Variants in TF observed in about 807,000 individuals in gnomAD.
TF encodes the protein transferrin.
TF carries 55 observed loss-of-function variants against 82.4 expected under a neutral mutation model. The observed-to-expected ratio is 0.67, with a 90% CI of 0.54 to 0.84. The LOEUF (loss-of-function observed/expected upper bound fraction) is 0.84. Among genes scored for constraint, TF ranks in the 40% least tolerant of loss-of-function variants. The probability of loss-of-function intolerance (pLI) is 0.00; values close to 1 mark genes in which losing one functional copy is unlikely to be tolerated. For synonymous variants in TF, 332 were observed against 332.6 expected (o/e 1.00, Z 0.02); for missense variants, 737 against 868.4 (o/e 0.85, Z 1.90).
At chr3:133,674,514 C>A in the TF span, among the ~76,000 whole-genome samples, 1 of 152,230 alleles carries the variant, frequency 6.6e-6, no homozygotes, top group African/African-American at 2.4e-5. Flanking sequence ...GGTGGGCGAA[C>A]CTTTCCCAAG....
Position 133,784,471 on chromosome 3 carries a change from A to AAAAAAAAATAATAAT in TF, c.*5853_*5854insAAAAAATAATAATAA, listed in dbSNP as rs763086171. 9.5e-6 allele frequency: 1 copy of AAAAAAAAATAATAAT among 105,602 alleles called. No homozygotes were observed. The highest frequency in any genetic ancestry group is 3.8e-5 in the African/African-American group (1 of 26,570). The allele number at this position is 105,602 out of a possible 1,614,324, so 6.5% of individuals were successfully genotyped here. ...TCTTGTAAATTCCCATTTGTTAAAA[A>AAAAAAAAATAATAAT]AATAATAATAATAATAATAATAATA... is the stretch of plus-strand genomic sequence containing the variant. On this transcript the variant is annotated 3_prime_UTR_variant, in exon 17 of 17. Coordinates refer to ENST00000402696, the MANE Select transcript of TF (RefSeq NM_001063.4).
At chr3:133,713,409 A>C in the TF span, among the ~76,000 whole-genome samples, 1 of 152,122 alleles carries the variant, frequency 6.6e-6, no homozygotes, top group Non-Finnish European at 1.5e-5. Flanking sequence ...GAGGCAACAC[A>C]AGAGAGAGAG....
chr3:133,766,995 G>A (rs1384087321), intron 12 of TF, among the ~76,000 whole-genome samples: 1 of 152,166 alleles, frequency 6.6e-6, no homozygotes, highest in Admixed American at 6.5e-5. Context: ...TCGTTCATCT[G>A]GAAATGTCCC....
chr3:133,723,635 CTTTTATTATTAT>C, the TF span, among the ~76,000 whole-genome samples: 8 of 77,438 alleles, frequency 1.0e-4, no homozygotes, highest in African/African-American at 3.1e-4. Flanking sequence ...CTGTTTGGTT[CTTTTATTATTAT>C]TATTATTATT....
At chr3:133,729,428 C>G in the TF span, among the ~76,000 whole-genome samples, 1 of 152,202 alleles carries the variant, frequency 6.6e-6, no homozygotes, top group East Asian at 1.9e-4. Context: ...TGCTAGCAAT[C>G]AGTGAGACTC....
chr3:133,740,927 T>TTA, the TF span, among the ~76,000 whole-genome samples: 1 of 110,154 alleles, frequency 9.1e-6, no homozygotes, highest in African/African-American at 3.7e-5. Flanking sequence ...TTTTTTTTTT[T>TTA]AATTTGAGTA....
the TF span, among the ~76,000 whole-genome samples, chr3:133,732,854 T>C: frequency 6.6e-6 from 1 of 152,192 alleles, no homozygotes; most frequent in Non-Finnish European, 1.5e-5. Flanking sequence ...AGATGGGGAA[T>C]TGGGGCACTG....
At position 133,766,303 on chromosome 3, in the gene TF, G is replaced by T; in HGVS notation, c.1356G>T (p.Lys452Asn). The T allele has an allele frequency of 6.2e-7, 1 of 1,614,158 alleles. No individual in the cohort carries two copies. The highest frequency in any genetic ancestry group is 8.5e-7 in the Non-Finnish European group (1 of 1,180,008). The change falls in exon 12 of 17, where the codon AAG (lysine) becomes AAT (asparagine). Residue 452 changes from lysine (K) to asparagine (N), a missense_variant. Physicochemically the swap from Lys to Asn is moderately conservative, Grantham distance 94. Coordinates refer to ENST00000402696, the MANE Select transcript of TF (RefSeq NM_001063.4). Reference sequence around the variant, plus strand: ...GGTATTTTGCTATAGCAGTGGTGAAGAAATCAGCTTCTGACCTCACCTGGG... The same window carrying T: ...GGTATTTTGCTATAGCAGTGGTGAATAAATCAGCTTCTGACCTCACCTGGG... Reference protein sequence around the residue: ...EAGYFAIAVVKKSASDLTWDN... With the variant: ...EAGYFAIAVVNKSASDLTWDN...
At chr3:133,750,832 G>A (rs1413493775) in intron 2 of TF, among the ~76,000 whole-genome samples, 2 of 152,114 alleles carry the variant, frequency 1.3e-5, no homozygotes, top group Non-Finnish European at 2.9e-5. Context: ...TGCACAACAT[G>A]CAGGTTTGTT....
chr3:133,790,168 T>C lies in TF; in HGVS notation c.*11548T>C, dbSNP rs1011178162. 7 of 152,202 alleles carry C rather than the reference T, an allele frequency of 4.6e-5. No individual in the cohort carries two copies. The highest frequency in any genetic ancestry group is 1.3e-4 in the Admixed American group (2 of 15,282). 9.4% of individuals were successfully genotyped at this position (152,202 alleles called of 1,614,324 possible). ...TTAGATAAGCTTTTTGTGTAAAGTC[T>C]TAAAATCATTTTTGATGCTCATTTA... On this transcript the variant is annotated 3_prime_UTR_variant, in exon 17 of 17. Transcript: ENST00000402696.
intron 14 of TF, chr3:133,774,346 C>A (rs554558077): frequency 1.3e-5 from 2 of 151,980 alleles, no homozygotes; most frequent in South Asian, 4.1e-4. Context: ...ACCTCAGATG[C>A]CTATTAAAAG....
chr3:133,732,639 G>A, the TF span, among the ~76,000 whole-genome samples: 5 of 152,158 alleles, frequency 3.3e-5, no homozygotes, highest in South Asian at 2.1e-4. Flanking sequence ...ATGAAGGTCT[G>A]CAGCTTCATT....
intron 11 of TF, among the ~76,000 whole-genome samples, chr3:133,765,618 A>C (rs1576363727): frequency 6.6e-6 from 1 of 152,206 alleles, no homozygotes; most frequent in South Asian, 2.1e-4. Context: ...TTGGGGAGCT[A>C]AGCCCTTCAG....
Position 133,786,918 on chromosome 3 carries a change from T to A in TF, c.*8298T>A, listed in dbSNP as rs1934701912. The stretch of plus-strand genomic sequence containing the variant: ...GTAGTAAAATATCACCTTGTAAATA[T>A]CTTTTTGCTAAAATTCTTGGGAAGT... On this transcript the variant is annotated 3_prime_UTR_variant, in exon 17 of 17. Transcript: ENST00000402696. The A allele has an allele frequency of 1.3e-5, 2 of 152,286 alleles. No individual in the cohort carries two copies. The highest frequency in any genetic ancestry group is 4.1e-4 in the South Asian group (2 of 4,838). The allele number at this position is 152,286 out of a possible 1,614,324, so 9.4% of individuals were successfully genotyped here.
chr3:133,792,522 T>C lies in TF; in HGVS notation c.*13902T>C, dbSNP rs1189832148. 6.6e-6 allele frequency: 1 copy of C among 152,182 alleles called. No individual in the cohort carries two copies. Among genetic ancestry groups the C allele is most frequent in the African/African-American group, 2.4e-5 (1 of 41,446 alleles). 9.4% of individuals were successfully genotyped at this position (152,182 alleles called of 1,614,324 possible). On this transcript the variant is annotated 3_prime_UTR_variant, in exon 17 of 17. Transcript: ENST00000402696. ...GAGTCAGACCTTAAGTGTACTTCTCTCTGGGTCCTAGACTCCACAACTAAT... is the reference window on the plus strand; with the variant it reads ...GAGTCAGACCTTAAGTGTACTTCTCCCTGGGTCCTAGACTCCACAACTAAT...
chr3:133,669,256 C>T, the TF span, among the ~76,000 whole-genome samples: 1 of 152,278 alleles, frequency 6.6e-6, no homozygotes, highest in Non-Finnish European at 1.5e-5. Context: ...CCCACCTAGG[C>T]CTCCCAAAGT....
rs1934875337 is a variant in TF, at chr3:133,792,888, T to C, written c.*14268T>C. 1 of 152,102 alleles carries C rather than the reference T, an allele frequency of 6.6e-6. No homozygotes were observed. The highest frequency in any genetic ancestry group is 2.4e-5 in the African/African-American group (1 of 41,420). 9.4% of individuals were successfully genotyped at this position (152,102 alleles called of 1,614,324 possible). A position where few individuals can be genotyped will look rare whatever the true frequency, so the allele number is the denominator to read the frequency against. ...TTCTGGTTTTTCCATAAATTGAACA[T>C]CAAAATAAAAGCACAAACAGGGTTT... On this transcript the variant is annotated 3_prime_UTR_variant, in exon 17 of 17. Coordinates refer to ENST00000402696, the MANE Select transcript of TF (RefSeq NM_001063.4).
the TF span, among the ~76,000 whole-genome samples, chr3:133,725,963 C>T: frequency 6.6e-6 from 1 of 152,066 alleles, no homozygotes; most frequent in East Asian, 1.9e-4. Context: ...TTACATTTAT[C>T]AATTTGCGTA....
chr3:133,740,927 T>TTTTTTTTTTTTTTC, the TF span, among the ~76,000 whole-genome samples: 3 of 110,132 alleles, frequency 2.7e-5, no homozygotes, highest in African/African-American at 3.7e-5. Context: ...TTTTTTTTTT[T>TTTTTTTTTTTTTTC]AATTTGAGTA....
Sources: allele counts gnomAD v4.1 joint callset (sites outside exome capture counted in the v4.1 genomes callset), GRCh38; gene constraint gnomAD v4.1.1; transcripts MANE v1.5; gene names NCBI Gene and HGNC (gene_info 2026-07-23, HGNC 2026-07-21).